Variants in PDSS2 observed in about 807,000 individuals in gnomAD.
The protein encoded by PDSS2 is decaprenyl diphosphate synthase subunit 2.
Under a neutral mutation model 44.5 loss-of-function variants are expected in PDSS2, and 31 were observed. That is an observed-to-expected ratio of 0.70 (90% CI 0.52 to 0.94). The LOEUF (loss-of-function observed/expected upper bound fraction) is 0.94, where lower values mean the gene tolerates loss of function less well. Ranked by LOEUF, PDSS2 falls within the 40% of genes least tolerant of loss-of-function variation. The pLI is 0.00. For missense variants in PDSS2, 452 were observed against 482.2 expected (o/e 0.94, Z 0.59); for synonymous variants, 157 against 180.3 (o/e 0.87, Z 1.03).
intron 7 of PDSS2, among the ~76,000 whole-genome samples, chr6:107,181,569 TAAG>T (rs1294533865): frequency 7.9e-6 from 1 of 125,800 alleles, no homozygotes; most frequent in Non-Finnish European, 1.7e-5. Flanking sequence ...GAAAAAGAAA[TAAG>T]AAAAAAAAAA....
At chr6:107,448,559 ATT>A (rs1208573406) in intron 1 of PDSS2, among the ~76,000 whole-genome samples, 1 of 152,172 alleles carries the variant, frequency 6.6e-6, no homozygotes, top group African/African-American at 2.4e-5. Flanking sequence ...CACTATCAGC[ATT>A]TTGTCAAAGC....
At chr6:107,172,076 C>T (rs1260200135) in intron 7 of PDSS2, among the ~76,000 whole-genome samples, 1 of 152,140 alleles carries the variant, frequency 6.6e-6, no homozygotes, top group East Asian at 1.9e-4. Context: ...TGCAGTATCA[C>T]CTGAAATAAA....
chr6:107,337,155 T>A (rs1427088465), intron 1 of PDSS2, among the ~76,000 whole-genome samples: 1 of 152,068 alleles, frequency 6.6e-6, no homozygotes, highest in Non-Finnish European at 1.5e-5. Context: ...CTGTTCTACA[T>A]GTTTTACTAT....
intron 1 of PDSS2, among the ~76,000 whole-genome samples, chr6:107,457,799 C>A (rs1406629112): frequency 1.3e-5 from 2 of 152,076 alleles, no homozygotes; most frequent in African/African-American, 4.8e-5. Context: ...GGCCAATTAA[C>A]AAAATTGAAA....
At chr6:107,231,250 C>T (rs1397554624) in intron 4 of PDSS2, among the ~76,000 whole-genome samples, 1 of 152,040 alleles carries the variant, frequency 6.6e-6, no homozygotes, top group Admixed American at 6.5e-5. Context: ...TGTGAAAATG[C>T]TGTTTTGGAG....
chr6:107,262,135 C>T (rs570399562), intron 3 of PDSS2, among the ~76,000 whole-genome samples: 42 of 150,920 alleles, frequency 2.8e-4, no homozygotes, highest in African/African-American at 9.7e-4. Context: ...GCCTCGATCT[C>T]CTGACCTCGT....
At chr6:107,435,439 T>C (rs1385333627) in intron 1 of PDSS2, among the ~76,000 whole-genome samples, 1 of 152,156 alleles carries the variant, frequency 6.6e-6, no homozygotes, top group East Asian at 1.9e-4. Flanking sequence ...ATAAAAAGTA[T>C]GTGAGAAAAT....
At chr6:107,261,001 C>A (rs1775203551) in intron 3 of PDSS2, among the ~76,000 whole-genome samples, 1 of 151,966 alleles carries the variant, frequency 6.6e-6, no homozygotes, top group Admixed American at 6.6e-5. Context: ...ATCTCCAAAG[C>A]CAGAGCGAGA....
intron 2 of PDSS2, among the ~76,000 whole-genome samples, chr6:107,331,171 A>G (rs544494474): frequency 5.1e-4 from 77 of 152,336 alleles, no homozygotes; most frequent in Non-Finnish European, 9.0e-4. Flanking sequence ...CTCCAGCAAA[A>G]GTTACACTTG....
chr6:107,357,330 T>C (rs1485560721), intron 1 of PDSS2, among the ~76,000 whole-genome samples: 1 of 152,160 alleles, frequency 6.6e-6, no homozygotes, highest in Non-Finnish European at 1.5e-5. Context: ...TAAATACAAA[T>C]TTAAATTCCA....
At chr6:107,188,396 A>T (rs1168851852) in intron 7 of PDSS2, among the ~76,000 whole-genome samples, 3 of 151,986 alleles carry the variant, frequency 2.0e-5, no homozygotes, top group Non-Finnish European at 4.4e-5. Context: ...AAAAAAATTT[A>T]AATTTAAAAA....
At chr6:107,426,908 T>C (rs1415912973) in intron 1 of PDSS2, among the ~76,000 whole-genome samples, 2 of 152,148 alleles carry the variant, frequency 1.3e-5, no homozygotes, top group Non-Finnish European at 2.9e-5. Context: ...GGTTCATAGA[T>C]GGAAGTGACT....
In PDSS2 at chr6:107,400,822, C is replaced by G. The variant is rs544493290; in HGVS notation, c.296+58168G>C. Among the ~76,000 whole-genome samples, 10 of 152,230 alleles carry G rather than the reference C, an allele frequency of 6.6e-5. No individual in the cohort carries two copies. In the South Asian group the frequency reaches 1.5e-3, roughly 22 times the overall value. On this transcript the variant is annotated intron_variant, in intron 1 of 7. Coordinates refer to ENST00000369037, the MANE Select transcript of PDSS2 (RefSeq NM_020381.4). ...GGGCCTGAGCACAGACTTGCCTGGC[C>G]CAGCTCTACCCAGCTCTGCCCTGCC...
chr6:107,438,533 CA>C lies in PDSS2; in HGVS notation c.296+20456del, dbSNP rs1015704033. The stretch of plus-strand genomic sequence containing the variant: ...CCCGGCCTGTTTTGATTTAAATAAC[CA>C]AAAATGAACAAATAACTCCAGGTCT... On this transcript the variant is annotated intron_variant, in intron 1 of 7. Transcript: ENST00000369037. Among the ~76,000 whole-genome samples the C allele has an allele frequency of 5.3e-4, 80 of 152,024 alleles. 3 individuals are homozygous for C.
At chr6:107,186,242 T>G (rs960650493) in intron 7 of PDSS2, among the ~76,000 whole-genome samples, 6 of 152,202 alleles carry the variant, frequency 3.9e-5, no homozygotes, top group Admixed American at 1.3e-4. Context: ...AGCATTCATA[T>G]CCAGGCTCTA....
intron 7 of PDSS2, among the ~76,000 whole-genome samples, chr6:107,162,750 A>T (rs1554246919): frequency 6.6e-6 from 1 of 151,452 alleles, no homozygotes; most frequent in East Asian, 2.0e-4. Context: ...GATTACAGGC[A>T]TGTGCCACCA....
Position 107,202,392 on chromosome 6 carries a change from C to CAAACA in PDSS2, c.1008+8042_1008+8046dup, listed in dbSNP as rs554174397. Among the ~76,000 whole-genome samples the CAAACA allele has an allele frequency of 1.5e-3, 232 of 151,124 alleles. 1 individual carries two copies. Among genetic ancestry groups the CAAACA allele is most frequent in the East Asian group, 4.3e-3 (22 of 5,140 alleles). On this transcript the variant is annotated intron_variant, in intron 6 of 7. Coordinates refer to ENST00000369037, the MANE Select transcript of PDSS2 (RefSeq NM_020381.4). Reference sequence around the variant, plus strand: ...GCTGGCCATCTCTGCAAAAAAAAAACAAACAAAACAAAACAAAACAAAACA... The same window carrying CAAACA: ...GCTGGCCATCTCTGCAAAAAAAAAACAAACAAAACAAAACAAAACAAAACAAAACA...
intron 4 of PDSS2, among the ~76,000 whole-genome samples, chr6:107,222,442 G>A (rs1448588294): frequency 1.3e-5 from 2 of 152,070 alleles, no homozygotes; most frequent in Non-Finnish European, 2.9e-5. Context: ...ATCACTTGAT[G>A]TCAGGAGCTC....
intron 3 of PDSS2, among the ~76,000 whole-genome samples, chr6:107,248,061 C>T (rs1241673740): frequency 1.3e-5 from 2 of 152,066 alleles, no homozygotes; most frequent in Admixed American, 1.3e-4. Flanking sequence ...ATCACCCTTC[C>T]TTAAAACTGC....
Sources: allele counts gnomAD v4.1 joint callset (sites outside exome capture counted in the v4.1 genomes callset), GRCh38; gene constraint gnomAD v4.1.1; transcripts MANE v1.5; gene names NCBI Gene and HGNC (gene_info 2026-07-23, HGNC 2026-07-21).